The following MCEE variants were observed in gnomAD, a reference collection of about 807,000 sequenced individuals.
The protein encoded by MCEE is methylmalonyl-CoA epimerase, mitochondrial.
In MCEE, 6 loss-of-function variants were observed where a neutral mutation model predicts 12.9. That is an observed-to-expected ratio of 0.47 (90% CI 0.26 to 0.92). The LOEUF (loss-of-function observed/expected upper bound fraction) is 0.92, where lower values mean the gene tolerates loss of function less well. Among genes scored for constraint, MCEE ranks in the 40% least tolerant of loss-of-function variants. The pLI is 0.16. For synonymous variants in MCEE, 78 were observed against 77.9 expected, an observed-to-expected ratio of 1.00 and a Z score of -0.01; for missense variants, 214 against 212.1, an observed-to-expected ratio of 1.01 and a Z score of -0.05.
intron 1 of MCEE, among the ~76,000 whole-genome samples, chr2:71,125,211 A>ATATTTTTTTTTTTTTT: frequency 8.2e-5 from 4 of 48,594 alleles, no homozygotes; most frequent in Non-Finnish European, 8.8e-5. Flanking sequence ...ATATATATAT[A>ATATTTTTTTTTTTTTT]TTTTTTTTTT....
chr2:71,110,349 A>G (rs1478089442), intron 2 of MCEE, among the ~76,000 whole-genome samples: 2 of 152,214 alleles, frequency 1.3e-5, no homozygotes, highest in Admixed American at 1.3e-4. Context: ...AATTTTCACC[A>G]TTAGTAAATG....
intron 2 of MCEE, among the ~76,000 whole-genome samples, chr2:71,119,800 T>C (rs1673063480): frequency 3.3e-5 from 5 of 150,056 alleles, no homozygotes; most frequent in Admixed American, 3.3e-4. Flanking sequence ...ATGCCTGTAA[T>C]CCCAGTGCTT....
chr2:71,123,655 T>C (rs1410326332), intron 2 of MCEE, among the ~76,000 whole-genome samples: 1 of 152,246 alleles, frequency 6.6e-6, no homozygotes, highest in Non-Finnish European at 1.5e-5. Context: ...AAATGTTCTC[T>C]AATGGACTTT....
At position 71,112,286 on chromosome 2, in the gene MCEE, G is replaced by A. The variant is rs1004104751; in HGVS notation, c.379-2164C>T. On this transcript the variant is annotated intron_variant, in intron 2 of 2. Transcript: ENST00000244217. ...AGAGTAGCTGGGACTACAGGCACAC[G>A]CCACCATGCCCAGCTAATTTTTATA... Among the ~76,000 whole-genome samples, 7 of 151,958 alleles carry A rather than the reference G, an allele frequency of 4.6e-5. No homozygotes were observed. The South Asian group carries it at 6.2e-4, about 14-fold the overall frequency.
chr2:71,118,864 GGCACAAAC>G (rs1048722487), intron 2 of MCEE, among the ~76,000 whole-genome samples: 1 of 149,620 alleles, frequency 6.7e-6, no homozygotes, highest in African/African-American at 2.6e-5. Flanking sequence ...TGCTCCCTTG[GGCACAAAC>G]GCACAAACCC....
Position 71,125,211 on chromosome 2 carries a change from A to ATATATATTTTTT in MCEE, c.41-669_41-668insAAAAAATATATA. Among the ~76,000 whole-genome samples the ATATATATTTTTT allele has an allele frequency of 6.3e-3, 308 of 48,552 alleles. 5 individuals are homozygous for ATATATATTTTTT. The highest frequency in any genetic ancestry group is 9.5e-3 in the Non-Finnish European group (215 of 22,668). The allele number at this position is 48,552 out of a possible 152,430, so 31.9% of individuals were successfully genotyped here. A position where few individuals can be genotyped will look rare whatever the true frequency, so the allele number is the denominator to read the frequency against. On this transcript the variant is annotated intron_variant, in intron 1 of 2. Transcript: ENST00000244217. The stretch of plus-strand genomic sequence containing the variant: ...TAAATATATATATATATATATATAT[A>ATATATATTTTTT]TTTTTTTTTTTTTTTGAGACGGAGT...
chr2:71,110,498 A>G (rs893874532), intron 2 of MCEE, among the ~76,000 whole-genome samples: 1 of 152,226 alleles, frequency 6.6e-6, no homozygotes, highest in African/African-American at 2.4e-5. Flanking sequence ...GGTCTACCAC[A>G]TAAATTGACT....
intron 2 of MCEE, among the ~76,000 whole-genome samples, chr2:71,121,201 G>A (rs1172533224): frequency 6.6e-6 from 1 of 152,194 alleles, no homozygotes; most frequent in Non-Finnish European, 1.5e-5. Context: ...AGTGTGTCAT[G>A]TAACTAAGCT....
At chr2:71,121,746 G>GCACC (rs1673104520) in intron 2 of MCEE, among the ~76,000 whole-genome samples, 2 of 151,920 alleles carry the variant, frequency 1.3e-5, no homozygotes, top group Admixed American at 6.6e-5. Flanking sequence ...GTGGGGTAGG[G>GCACC]CTTAGACAAA....
At chr2:71,111,017 TTAG>T (rs1672875742) in intron 2 of MCEE, among the ~76,000 whole-genome samples, 1 of 152,172 alleles carries the variant, frequency 6.6e-6, no homozygotes. Context: ...CTAATAAATA[TTAG>T]TATTTATACA....
intron 2 of MCEE, among the ~76,000 whole-genome samples, chr2:71,112,528 T>C (rs565908131): frequency 2.5e-3 from 336 of 136,232 alleles, no homozygotes; most frequent in Admixed American, 5.2e-3. Context: ...CTCTGCCTCC[T>C]GGGTTCAAGC....
chr2:71,111,387 T>C (rs1319682145), intron 2 of MCEE, among the ~76,000 whole-genome samples: 1 of 152,132 alleles, frequency 6.6e-6, no homozygotes, highest in Non-Finnish European at 1.5e-5. Context: ...TAAATTCATA[T>C]CAATATTATT....
Position 71,124,541 on chromosome 2 carries a change from G to T in MCEE, c.43C>A (p.Leu15Ile). ...ATGGGAGCTTGAAGTCTGGAAAAAA[G>T]CCCTGAAAAATTGAACAGCCATTGA... ...LKAAAANAVGLFSRLQAPIPT... is the reference protein window; with the variant it reads ...LKAAAANAVGIFSRLQAPIPT... The change falls in exon 2 of 3, where the codon CTT becomes ATT. Residue 15 changes from leucine (L) to isoleucine (I), a missense_variant and splice_region_variant. By Grantham distance (5) the Leu-to-Ile change is conservative. Coordinates refer to ENST00000244217, the MANE Select transcript of MCEE (RefSeq NM_032601.4). 6.2e-7 allele frequency: 1 copy of T among 1,613,330 alleles called. No individual in the cohort carries two copies.
Position 71,124,349 on chromosome 2 carries a change from G to T in MCEE, c.235C>A (p.Leu79Ile). ...LGAQVSEAVP[L>I]PEHGVSVVFV... ...ACAACAGATACTCCATGTTCAGGAA[G>T]AGGGACCGCTTCACTTACCTGGGCC... The change falls in exon 2 of 3, where the codon CTT (leucine) becomes ATT (isoleucine). Residue 79 changes from leucine (L) to isoleucine (I), a missense_variant. Physicochemically the swap from Leu to Ile is conservative, Grantham distance 5. Coordinates refer to ENST00000244217, the MANE Select transcript of MCEE (RefSeq NM_032601.4). The T allele has an allele frequency of 6.2e-7, 1 of 1,614,178 alleles. No individual in the cohort carries two copies. The highest frequency in any genetic ancestry group is 8.5e-7 in the Non-Finnish European group (1 of 1,180,026).
chr2:71,128,942 G>GC (rs1474298910), intron 1 of MCEE, among the ~76,000 whole-genome samples: 3 of 147,510 alleles, frequency 2.0e-5, no homozygotes, highest in Non-Finnish European at 4.5e-5. Context: ...GTGAGCTAAC[G>GC]CCACTGCACT....
At chr2:71,127,830 T>C (rs1673270299) in intron 1 of MCEE, among the ~76,000 whole-genome samples, 2 of 152,242 alleles carry the variant, frequency 1.3e-5, no homozygotes, top group South Asian at 4.1e-4. Flanking sequence ...TTTGCCATGT[T>C]GGCCAGGCTG....
chr2:71,122,677 C>T (rs1020313109), intron 2 of MCEE, among the ~76,000 whole-genome samples: 3 of 152,138 alleles, frequency 2.0e-5, no homozygotes, highest in African/African-American at 7.2e-5. Flanking sequence ...GAAAGACCTG[C>T]CCCCATGATT....
At chr2:71,117,549 T>G (rs1035731743) in intron 2 of MCEE, 8 of 150,074 alleles carry the variant, frequency 5.3e-5, no homozygotes, top group African/African-American at 2.0e-4. Context: ...AAGTTATAAA[T>G]TTTTTCTTTC....
intron 1 of MCEE, chr2:71,129,712 C>A (rs1673325596): frequency 4.3e-6 from 1 of 232,718 alleles, no homozygotes; most frequent in African/African-American, 2.3e-5. Context: ...CTTTACACCA[C>A]TGACCTTTGA....
Sources: gnomAD v4.1 joint callset for allele counts (sites outside exome capture counted in the v4.1 genomes callset) on GRCh38, gnomAD v4.1.1 for gene constraint, MANE v1.5 for transcripts, NCBI Gene and HGNC (gene_info 2026-07-23, HGNC 2026-07-21) for gene names.